LRCH1: variants seen among roughly 807,000 people sequenced by gnomAD.
LRCH1 encodes leucine-rich repeat and calponin homology domain-containing protein 1.
Under a neutral mutation model 94.9 loss-of-function variants are expected in LRCH1, and 23 were observed. The ratio of observed to expected loss-of-function variants is 0.24; its 90% CI spans 0.17 to 0.34. The LOEUF is 0.34. Among genes scored for constraint, LRCH1 ranks in the 10% least tolerant of loss-of-function variants. LRCH1 has a pLI of 1.00. For missense variants in LRCH1, 790 were observed against 945.9 expected, an observed-to-expected ratio of 0.84 and a Z score of 2.16; for synonymous variants, 364 against 354.9, an observed-to-expected ratio of 1.03 and a Z score of -0.29.
At chr13:46,634,812 G>T (rs7318773) in intron 1 of LRCH1, among the ~76,000 whole-genome samples, 127,271 of 152,032 alleles carry the variant, frequency 0.84, 53,838 homozygotes, top group African/African-American at 0.96. Flanking sequence ...CTATAAATGA[G>T]TGAGTAAGTG....
chr13:46,632,977 A>C (rs895369211), intron 1 of LRCH1, among the ~76,000 whole-genome samples: 2 of 152,216 alleles, frequency 1.3e-5, no homozygotes, highest in African/African-American at 4.8e-5. Context: ...TGCAGCAAAA[A>C]GCTTCCAAAT....
chr13:46,661,179 G>A (rs2051443201), intron 2 of LRCH1, among the ~76,000 whole-genome samples: 1 of 152,084 alleles, frequency 6.6e-6, no homozygotes, highest in Non-Finnish European at 1.5e-5. Context: ...ACTGTGTAGA[G>A]GGGAGATCAC....
rs192903635 is a variant in LRCH1 at position 46,658,898 on chromosome 13, C to G, written c.452+8553C>G. On this transcript the variant is annotated intron_variant, in intron 2 of 19. Transcript: ENST00000389797. ...GATTCATTAGATTGGTCAAGTTTTG[C>G]TATGCATAGTTAATTTTGTAAATAT... Among the ~76,000 whole-genome samples the G allele has an allele frequency of 3.9e-4, 59 of 152,262 alleles. 1 individual carries two copies. In the South Asian group the frequency reaches 7.1e-3, roughly 18 times the overall value.
chr13:46,574,553 T>C (rs753343530), intron 1 of LRCH1, among the ~76,000 whole-genome samples: 3 of 152,182 alleles, frequency 2.0e-5, no homozygotes, highest in Non-Finnish European at 4.4e-5. Context: ...GGTGGACTGA[T>C]AAACAAGAGC....
chr13:46,663,214 TTAA>T (rs2051471502), intron 2 of LRCH1, among the ~76,000 whole-genome samples: 1 of 152,210 alleles, frequency 6.6e-6, no homozygotes, highest in Non-Finnish European at 1.5e-5. Context: ...GTCCTAAAAA[TTAA>T]TGTCAAATGT....
At chr13:46,554,430 T>G (rs547195195) in intron 1 of LRCH1, among the ~76,000 whole-genome samples, 1 of 152,220 alleles carries the variant, frequency 6.6e-6, no homozygotes, top group Non-Finnish European at 1.5e-5. Context: ...CCACACAGTT[T>G]GGGTCCTACC....
At chr13:46,622,936 G>A (rs556058665) in intron 1 of LRCH1, among the ~76,000 whole-genome samples, 241 of 152,334 alleles carry the variant, frequency 1.6e-3, no homozygotes, top group African/African-American at 5.3e-3. Flanking sequence ...ACTGCTCAGA[G>A]CTTAGTGAGC....
intron 19 of LRCH1, among the ~76,000 whole-genome samples, chr13:46,740,749 C>T (rs531458771): frequency 1.3e-5 from 2 of 152,250 alleles, no homozygotes; most frequent in East Asian, 3.9e-4. Context: ...ATTTCCGGTT[C>T]AGGAATTCAG....
intron 1 of LRCH1, among the ~76,000 whole-genome samples, chr13:46,567,839 G>C (rs2050201375): frequency 6.6e-6 from 1 of 152,172 alleles, no homozygotes; most frequent in Non-Finnish European, 1.5e-5. Context: ...ATCTCAATAT[G>C]AAATTTGCAC....
chr13:46,556,010 T>C (rs2050061170), intron 1 of LRCH1, among the ~76,000 whole-genome samples: 1 of 152,242 alleles, frequency 6.6e-6, no homozygotes, highest in African/African-American at 2.4e-5. Context: ...GTTGAAAGTT[T>C]GAGTAGTAAC....
intron 4 of LRCH1, 62 bp downstream of exon 4, chr13:46,681,908 G>T: frequency 1.9e-6 from 2 of 1,047,666 alleles, no homozygotes; most frequent in South Asian, 1.3e-5. Flanking sequence ...TGTTTTGGGG[G>T]GTTTACTTTT....
intron 1 of LRCH1, among the ~76,000 whole-genome samples, chr13:46,649,213 G>A (rs565052358): frequency 1.8e-3 from 274 of 152,150 alleles, no homozygotes; most frequent in African/African-American, 6.2e-3. Flanking sequence ...GCTAAGGTGT[G>A]GTTTCTTAAG....
intron 1 of LRCH1, among the ~76,000 whole-genome samples, chr13:46,580,778 G>A (rs1394414169): frequency 6.6e-6 from 1 of 152,186 alleles, no homozygotes; most frequent in Non-Finnish European, 1.5e-5. Context: ...GTGTTGCAGG[G>A]ATATCAAAGG....
At chr13:46,589,157 C>T (rs1167786449) in intron 1 of LRCH1, among the ~76,000 whole-genome samples, 1 of 152,048 alleles carries the variant, frequency 6.6e-6, no homozygotes, top group Non-Finnish European at 1.5e-5. Flanking sequence ...CCACCTCAGC[C>T]TCCCAAGTAG....
At chr13:46,738,174 C>T (rs1321590121) in intron 19 of LRCH1, among the ~76,000 whole-genome samples, 2 of 152,188 alleles carry the variant, frequency 1.3e-5, no homozygotes, top group Non-Finnish European at 2.9e-5. Flanking sequence ...CAGTGGTAGC[C>T]TCCTTTCAGC....
chr13:46,726,498 A>G (rs1163053865), intron 17 of LRCH1, among the ~76,000 whole-genome samples: 1 of 152,216 alleles, frequency 6.6e-6, no homozygotes, highest in Non-Finnish European at 1.5e-5. Flanking sequence ...AAGACACAAA[A>G]GTTTTAGACC....
intron 2 of LRCH1, among the ~76,000 whole-genome samples, chr13:46,657,286 A>G (rs898467198): frequency 1.3e-5 from 2 of 151,890 alleles, no homozygotes; most frequent in African/African-American, 4.8e-5. Context: ...GATAAAAAGC[A>G]CTGTGAAACA....
chr13:46,650,508 G>C (rs1283696854), intron 2 of LRCH1, among the ~76,000 whole-genome samples, 163 bp downstream of exon 2: 1 of 151,918 alleles, frequency 6.6e-6, no homozygotes, highest in East Asian at 1.9e-4. Flanking sequence ...AATTTGTAAT[G>C]TTGTTAATAC....
intron 18 of LRCH1, among the ~76,000 whole-genome samples, chr13:46,731,053 T>C (rs1356132039): frequency 6.6e-6 from 1 of 150,450 alleles, no homozygotes; most frequent in African/African-American, 2.4e-5. Context: ...AGAAAACAAA[T>C]CATTCTTTAT....
Sources: gnomAD v4.1 joint callset for allele counts (sites outside exome capture counted in the v4.1 genomes callset) on GRCh38, gnomAD v4.1.1 for gene constraint, MANE v1.5 for transcripts, NCBI Gene and HGNC (gene_info 2026-07-23, HGNC 2026-07-21) for gene names.